Variants in DNAH17 observed in about 807,000 individuals in gnomAD.
DNAH17 encodes the protein dynein axonemal heavy chain 17.
In DNAH17, 376 loss-of-function variants were observed where a neutral mutation model predicts 485.6. That is an observed-to-expected ratio of 0.77 (90% CI 0.71 to 0.84). DNAH17 has a LOEUF of 0.84. Among genes scored for constraint, DNAH17 ranks in the 40% least tolerant of loss-of-function variants. The pLI, the probability that DNAH17 is intolerant of heterozygous loss-of-function variation, is 0.00. For missense variants in DNAH17, 6,370 were observed against 5,839.3 expected (o/e 1.09, Z -2.96); for synonymous variants, 3,031 against 2,405.9 (o/e 1.26, Z -7.60).
At chr17:78,515,065 G>A in intron 25 of DNAH17, 43 bp from the exon 26 acceptor site, 1 of 1,604,894 alleles carries the variant, frequency 6.2e-7, no homozygotes, top group Non-Finnish European at 8.5e-7. Flanking sequence ...TCTCATCAAG[G>A]AGAATTCAGG....
intron 75 of DNAH17, among the ~76,000 whole-genome samples, chr17:78,429,571 C>T (rs1003902667): frequency 1.3e-5 from 2 of 152,208 alleles, no homozygotes; most frequent in East Asian, 1.9e-4. Context: ...CCTTGGACAG[C>T]GCTTCCACAG....
rs1437352407 is a variant in DNAH17, at chr17:78,570,196, G to T, written c.1044+51C>A. 2.0e-5 allele frequency: 30 copies of T among 1,529,348 alleles called. No individual in the cohort carries two copies. In the South Asian group the frequency reaches 3.2e-4, roughly 16 times the overall value. The allele number at this position is 1,529,348 out of a possible 1,614,324, so 94.7% of individuals were successfully genotyped here. On this transcript the variant is annotated intron_variant, in intron 7 of 80. Coordinates refer to ENST00000389840, the MANE Select transcript of DNAH17 (RefSeq NM_173628.4). ...GCAGGAAAACAGTGAACCGGGGAGG[G>T]GACCCAGCCAGGAGGGGAGGAAGGG...
intron 26 of DNAH17, among the ~76,000 whole-genome samples, chr17:78,510,834 T>C (rs931120382): frequency 2.0e-5 from 3 of 151,280 alleles, no homozygotes; most frequent in African/African-American, 4.9e-5. Context: ...ACTAAGGATC[T>C]TGAGGTGAGT....
intron 9 of DNAH17, among the ~76,000 whole-genome samples, chr17:78,568,731 G>A (rs1411466825): frequency 1.3e-5 from 2 of 152,192 alleles, no homozygotes; most frequent in Admixed American, 6.5e-5. Flanking sequence ...GATTACAGGT[G>A]TGAGCCACTG....
At chr17:78,445,352 C>T (rs1425201316) in intron 70 of DNAH17, among the ~76,000 whole-genome samples, 1 of 152,162 alleles carries the variant, frequency 6.6e-6, no homozygotes, top group Non-Finnish European at 1.5e-5. Context: ...TAACACATGT[C>T]ACATTCCCTA....
intron 25 of DNAH17, among the ~76,000 whole-genome samples, chr17:78,520,582 G>A (rs1233994711): frequency 6.6e-6 from 1 of 151,552 alleles, no homozygotes; most frequent in Non-Finnish European, 1.5e-5. Flanking sequence ...AAACAAACAT[G>A]TGCAAACCAA....
rs756857767 is a variant in DNAH17, at chr17:78,450,770, G to T, written c.10811C>A (p.Ser3604Ter). The T allele has an allele frequency of 6.2e-7, 1 of 1,614,060 alleles. No homozygotes were observed. The highest frequency in any genetic ancestry group is 8.5e-7 in the Non-Finnish European group (1 of 1,179,910). ...TCCCAGAAAGTTCCCCGACGCAGCC[G>T]ACAGACGGGCCAGGAGCGAATCTTC... ...ELEDSLLARL[S>*]AASGNFLGDT... The change falls in exon 67 of 81, where the codon TCG becomes TAG. Residue 3604 changes from serine to a stop codon, truncating the protein, a stop_gained. Coordinates refer to ENST00000389840, the MANE Select transcript of DNAH17 (RefSeq NM_173628.4). LOFTEE classifies it high-confidence loss of function.
At chr17:78,434,296 C>T (rs1408131747) in intron 74 of DNAH17, 76 bp from the exon 75 acceptor site, 12 of 1,414,928 alleles carry the variant, frequency 8.5e-6, no homozygotes, top group South Asian at 2.7e-5. Flanking sequence ...GGGTGACCAG[C>T]GTCCAGCCCT....
At chr17:78,566,808 G>A (rs776284354) in intron 10 of DNAH17, 78 bp from the exon 11 acceptor site, 10 of 1,337,510 alleles carry the variant, frequency 7.5e-6, no homozygotes, top group Non-Finnish European at 1.0e-5. Flanking sequence ...CCCCTGCCCT[G>A]CTGAGAGGAC....
intron 50 of DNAH17, 58 bp from the exon 51 acceptor site, chr17:78,479,174 C>T: frequency 6.5e-7 from 1 of 1,543,776 alleles, no homozygotes; most frequent in South Asian, 1.2e-5. Context: ...CCAGGAAGTG[C>T]AAGCCTCAAG....
At chr17:78,475,553 G>C in intron 53 of DNAH17, 84 bp from the exon 54 acceptor site, 1 of 1,597,414 alleles carries the variant, frequency 6.3e-7, no homozygotes, top group Non-Finnish European at 8.6e-7. Context: ...ACATGCTGAG[G>C]TGTGCACTGT....
chr17:78,462,521 C>T (rs1052163920), intron 57 of DNAH17, among the ~76,000 whole-genome samples: 9 of 152,128 alleles, frequency 5.9e-5, no homozygotes, highest in Non-Finnish European at 7.4e-5. Context: ...ATGGTATTTA[C>T]GAATGAACAA....
rs767907296 is a variant in DNAH17 at position 78,575,047 on chromosome 17, G to C, written c.11C>G (p.Ala4Gly). 2 of 1,612,238 alleles carry C rather than the reference G, an allele frequency of 1.2e-6. No homozygotes were observed. Among genetic ancestry groups the C allele is most frequent in the South Asian group, 1.1e-5 (1 of 90,902 alleles). MTM[A>G]PDVRLEYLEE... The stretch of plus-strand genomic sequence containing the variant: ...CAGATACTCTAGTCTGACGTCCGGG[G>C]CCATTGTCATCTTGGCCTTTCCTTA... The change falls in exon 2 of 81, where the codon GCC becomes GGC. Residue 4 changes from alanine to glycine, a missense_variant. By Grantham distance (60) the Ala-to-Gly change is moderately conservative. Coordinates refer to ENST00000389840, the MANE Select transcript of DNAH17 (RefSeq NM_173628.4).
Position 78,462,021 on chromosome 17 carries a change from A to T in DNAH17, c.9175-313T>A, listed in dbSNP as rs1039064310. On this transcript the variant is annotated intron_variant, in intron 57 of 80. Transcript: ENST00000389840. Reference sequence around the variant, plus strand: ...CCCTGTCTGTATAAATAATAAAAAAAATTAGCAAGGCATGGTGGCCTGTGC... The same window carrying T: ...CCCTGTCTGTATAAATAATAAAAAATATTAGCAAGGCATGGTGGCCTGTGC... Among the ~76,000 whole-genome samples, 31 of 152,110 alleles carry T rather than the reference A, an allele frequency of 2.0e-4. 1 individual carries two copies. The highest frequency in any genetic ancestry group is 6.0e-4 in the African/African-American group (25 of 41,470).
chr17:78,481,424 G>T (rs1164671375), intron 48 of DNAH17, among the ~76,000 whole-genome samples: 2 of 152,124 alleles, frequency 1.3e-5, no homozygotes, highest in Non-Finnish European at 2.9e-5. Flanking sequence ...AATATGTGAA[G>T]CAGCTGCTGT....
intron 44 of DNAH17, among the ~76,000 whole-genome samples, chr17:78,487,826 GAC>G (rs201456898): frequency 0.021 from 3,241 of 152,258 alleles, 61 homozygotes; most frequent in Non-Finnish European, 0.031. Flanking sequence ...TGCTTGGCCA[GAC>G]ACACACTCTT....
At chr17:78,517,258 G>T (rs112084510) in intron 25 of DNAH17, among the ~76,000 whole-genome samples, 14 of 152,306 alleles carry the variant, frequency 9.2e-5, no homozygotes. Flanking sequence ...TGGCCAGACC[G>T]GTCTCAAACT....
intron 16 of DNAH17, among the ~76,000 whole-genome samples, chr17:78,544,776 G>A (rs56313724): frequency 0.031 from 3,611 of 115,268 alleles, 73 homozygotes; most frequent in Non-Finnish European, 0.047. Context: ...ACTCCAGCCT[G>A]GGGCACAGAG....
intron 26 of DNAH17, among the ~76,000 whole-genome samples, chr17:78,513,310 C>T (rs937100732): frequency 2.6e-5 from 4 of 152,124 alleles, no homozygotes; most frequent in Non-Finnish European, 5.9e-5. Context: ...AGATAGCAGG[C>T]CCTGAAAGAA....
Sources: allele counts gnomAD v4.1 joint callset (sites outside exome capture counted in the v4.1 genomes callset), GRCh38; gene constraint gnomAD v4.1.1; transcripts MANE v1.5; gene names NCBI Gene and HGNC (gene_info 2026-07-23, HGNC 2026-07-21).